Variants in PTPRC observed in about 807,000 individuals in gnomAD.
PTPRC encodes the protein protein tyrosine phosphatase receptor type C, also known as receptor-type tyrosine-protein phosphatase C.
PTPRC carries 44 observed loss-of-function variants against 155.9 expected under a neutral mutation model. The ratio of observed to expected loss-of-function variants is 0.28; its 90% CI spans 0.22 to 0.36. The LOEUF is 0.36. Ranked by LOEUF, PTPRC falls within the 10% of genes least tolerant of loss-of-function variation. The pLI is 1.00. For synonymous variants in PTPRC, 525 were observed against 533.1 expected, an observed-to-expected ratio of 0.98 and a Z score of 0.21; for missense variants, 1,401 against 1,564.6, an observed-to-expected ratio of 0.90 and a Z score of 1.76.
intron 7 of PTPRC, 128 bp from the exon 8 acceptor site, chr1:198,704,344 T>C: frequency 1.3e-6 from 2 of 1,512,150 alleles, no homozygotes; most frequent in Non-Finnish European, 1.8e-6. Flanking sequence ...AAATCCTTCA[T>C]ATTCTGTTAA....
At chr1:198,703,528 T>C in intron 7 of PTPRC, 156 bp downstream of exon 7, 2 of 1,189,592 alleles carry the variant, frequency 1.7e-6, no homozygotes, top group Non-Finnish European at 2.4e-6. Context: ...AAGATATTTC[T>C]CTGCTTAGCA....
chr1:198,694,835 G>C (rs1246967589), intron 3 of PTPRC: 3 of 947,508 alleles, frequency 3.2e-6, no homozygotes, highest in Admixed American at 6.6e-5. Flanking sequence ...CATAGTAGTT[G>C]AAAAAATCTA....
In PTPRC at chr1:198,666,886, A is replaced by C. The variant is rs1358456539; in HGVS notation, c.74-25461A>C. ...CAGCTTTGTATTCAGCTATCAAACA[A>C]AATAAAATGTGATCACTAGTGGTTC... On this transcript the variant is annotated intron_variant, in intron 2 of 32. Transcript: ENST00000442510. The C allele has an allele frequency of 3.9e-5, 6 of 152,214 alleles. 1 individual carries two copies. Among genetic ancestry groups the C allele is most frequent in the Admixed American group, 2.0e-4 (3 of 15,288 alleles). 9.4% of individuals were successfully genotyped at this position (152,214 alleles called of 1,614,324 possible).
chr1:198,736,057 G>C (rs1330824403), intron 23 of PTPRC, among the ~76,000 whole-genome samples: 1 of 151,162 alleles, frequency 6.6e-6, no homozygotes, highest in Non-Finnish European at 1.5e-5. Context: ...TAATTTTTTG[G>C]GGTACATGGT....
At position 198,706,802 on chromosome 1, in the gene PTPRC, C is replaced by A. The variant is rs372862661; in HGVS notation, c.754C>A (p.Leu252Ile). Residue 252 changes from leucine (L) to isoleucine (I), a missense_variant, in exon 9 of 33, where the codon CTA becomes ATA. Physicochemically the swap from Leu to Ile is conservative, Grantham distance 5. Around this residue, in one of 3 missense-constraint regions of PTPRC, gnomAD observed 867 missense variants for 970.4 expected, o/e 0.89. Transcript: ENST00000442510. ...GGAAACTAAATTATTTACAGCAAAG[C>A]TAAATGTTAATGAGAATGTGGAATG... ...NKETKLFTAK[L>I]NVNENVECGN... 1.2e-6 allele frequency: 2 copies of A among 1,612,862 alleles called. No homozygotes were observed. Among genetic ancestry groups the A allele is most frequent in the African/African-American group, 2.7e-5 (2 of 74,976 alleles).
chr1:198,750,883 T>C (rs1226887774), intron 29 of PTPRC, among the ~76,000 whole-genome samples: 3 of 152,026 alleles, frequency 2.0e-5, no homozygotes, highest in Non-Finnish European at 2.9e-5. Context: ...AATGTCAGCG[T>C]CACAGCAAAT....
At chr1:198,658,498 G>A (rs1256290992) in intron 2 of PTPRC, among the ~76,000 whole-genome samples, 3 of 152,132 alleles carry the variant, frequency 2.0e-5, no homozygotes, top group South Asian at 2.1e-4. Context: ...TAAGGATAAC[G>A]TAGAATGTTT....
In PTPRC at chr1:198,734,401, C is replaced by T; in HGVS notation, c.2253C>T (p.Val751=). Residue 751 remains valine (V), a synonymous_variant, in exon 22 of 33, where the codon GTC becomes GTT. Transcript: ENST00000442510. ...AGAAAGCCACAGTTATTGTCATGGT[C>T]ACTCGATGTGAAGAAGGAAACAGGG... ...WEQKATVIVM[V]TRCEEGNRNK... 1 of 1,610,896 alleles carries T rather than the reference C, an allele frequency of 6.2e-7. No individual in the cohort carries two copies. Among genetic ancestry groups the T allele is most frequent in the East Asian group, 2.2e-5 (1 of 44,732 alleles).
At chr1:198,698,980 T>C (rs1187132515) in intron 4 of PTPRC, among the ~76,000 whole-genome samples, 6 of 152,214 alleles carry the variant, frequency 3.9e-5, no homozygotes, top group Non-Finnish European at 8.8e-5. Flanking sequence ...GTGAGATTGT[T>C]TCCACATGTT....
chr1:198,741,234 C>T (rs1236510645), intron 23 of PTPRC, among the ~76,000 whole-genome samples: 2 of 151,808 alleles, frequency 1.3e-5, no homozygotes, highest in African/African-American at 4.8e-5. Flanking sequence ...AGAATTATGA[C>T]TTATGCATCT....
chr1:198,705,981 T>C (rs1205753273), intron 8 of PTPRC, among the ~76,000 whole-genome samples: 3 of 152,232 alleles, frequency 2.0e-5, no homozygotes, highest in Non-Finnish European at 4.4e-5. Context: ...GTATGTCTCC[T>C]GCAATTCATG....
At chr1:198,642,920 CTTTCTTT>C (rs1662695241) in intron 2 of PTPRC, among the ~76,000 whole-genome samples, 2 of 145,040 alleles carry the variant, frequency 1.4e-5, no homozygotes, top group Non-Finnish European at 3.0e-5. Context: ...TTCTTTCTTT[CTTTCTTT>C]CTTTCTTTCT....
chr1:198,694,242 C>A, intron 3 of PTPRC: 2 of 1,254,092 alleles, frequency 1.6e-6, no homozygotes, highest in Non-Finnish European at 2.1e-6. Context: ...ACTCAGCAAG[C>A]TCACTTCTCC....
chr1:198,721,214 A>G (rs1399746451), intron 14 of PTPRC, among the ~76,000 whole-genome samples: 1 of 152,168 alleles, frequency 6.6e-6, no homozygotes, highest in East Asian at 1.9e-4. Flanking sequence ...CCTTCATGAG[A>G]GAGCAGTCAT....
intron 12 of PTPRC, 119 bp downstream of exon 12, chr1:198,713,191 G>C (rs1264114321): frequency 7.2e-7 from 1 of 1,388,992 alleles, no homozygotes; most frequent in Non-Finnish European, 1.0e-6. Context: ...CATAGGCATA[G>C]TATACTCCCT....
intron 23 of PTPRC, among the ~76,000 whole-genome samples, chr1:198,737,221 A>G (rs1654686387): frequency 6.6e-6 from 1 of 151,500 alleles, no homozygotes; most frequent in African/African-American, 2.4e-5. Context: ...CATTTTTGCT[A>G]TGGTTGCCTG....
chr1:198,740,559 G>A (rs541283135), intron 23 of PTPRC, among the ~76,000 whole-genome samples: 3 of 150,880 alleles, frequency 2.0e-5, no homozygotes, highest in African/African-American at 7.3e-5. Flanking sequence ...TCAAGCCTGG[G>A]CTTTGCAGTG....
chr1:198,642,551 T>C (rs1662657024), intron 2 of PTPRC, among the ~76,000 whole-genome samples: 3 of 151,904 alleles, frequency 2.0e-5, no homozygotes, highest in Admixed American at 2.0e-4. Flanking sequence ...ACACGGAACT[T>C]ACTACCTTTC....
Position 198,749,552 on chromosome 1 carries a change from A to C in PTPRC, c.3072+3A>C. On this transcript the variant is annotated splice_donor_region_variant and intron_variant, in intron 28 of 32. Transcript: ENST00000442510. ...ACATCAATGCATCTTTTATAATGGT[A>C]GGTACTTAAATTGCCAAAACCCAAG... The C allele has an allele frequency of 6.2e-7, 1 of 1,610,382 alleles. No homozygotes were observed. Among genetic ancestry groups the C allele is most frequent in the Non-Finnish European group, 8.5e-7 (1 of 1,177,754 alleles).
Sources: allele counts gnomAD v4.1 joint callset (sites outside exome capture counted in the v4.1 genomes callset), GRCh38; gene constraint gnomAD v4.1.1; regional missense constraint gnomAD v4.1.1; transcripts MANE v1.5; gene names NCBI Gene and HGNC (gene_info 2026-07-23, HGNC 2026-07-21).